Variants in TOP1 observed in about 807,000 individuals in gnomAD.
TOP1 encodes the protein DNA topoisomerase 1.
A neutral mutation model predicts 111.1 loss-of-function variants in TOP1; 10 were observed. The observed-to-expected ratio is 0.09, with a 90% CI of 0.06 to 0.15. The LOEUF is 0.15. Ranked by LOEUF, TOP1 falls within the 10% of genes least tolerant of loss-of-function variation. The pLI, the probability that TOP1 is intolerant of heterozygous loss-of-function variation, is 1.00. For missense variants in TOP1, 474 were observed against 926.7 expected (o/e 0.51, Z 6.34); for synonymous variants, 271 against 302.9 (o/e 0.89, Z 1.10).
In TOP1 at chr20:41,112,995, G is replaced by C; in HGVS notation, c.1452+70G>C. Reference sequence around the variant, plus strand: ...AAAGGGAGTTTCTGCTCTGCCCCAGGCCCTGTGCCACATACTGTATATCAC... The same window carrying C: ...AAAGGGAGTTTCTGCTCTGCCCCAGCCCCTGTGCCACATACTGTATATCAC... On this transcript the variant is annotated intron_variant, in intron 14 of 20. Coordinates refer to ENST00000361337, the MANE Select transcript of TOP1 (RefSeq NM_003286.4). This position sits in a 1 kb window ranked among gnomAD's most constrained non-coding sequence, Gnocchi z 5.8. 6.6e-7 allele frequency: 1 copy of C among 1,515,890 alleles called. No individual in the cohort carries two copies. Among genetic ancestry groups the C allele is most frequent in the Non-Finnish European group, 9.0e-7 (1 of 1,114,840 alleles). 93.9% of individuals were successfully genotyped at this position (1,515,890 alleles called of 1,614,324 possible).
At chr20:41,041,437 CAAAAAAAA>C (rs780663951) in intron 2 of TOP1, among the ~76,000 whole-genome samples, 3 of 89,006 alleles carry the variant, frequency 3.4e-5, no homozygotes, top group Non-Finnish European at 6.7e-5. Flanking sequence ...GACCCTGTCT[CAAAAAAAA>C]AAAAAAAAAA....
At chr20:41,051,068 C>T (rs1018841239) in intron 2 of TOP1, among the ~76,000 whole-genome samples, 1 of 152,122 alleles carries the variant, frequency 6.6e-6, no homozygotes, top group Non-Finnish European at 1.5e-5. Flanking sequence ...TTCTAGTGTT[C>T]ACTTTCCTTA....
Position 41,116,280 on chromosome 20 carries a change from T to A in TOP1, c.1710T>A (p.Thr570=). The A allele has an allele frequency of 6.2e-7, 1 of 1,609,516 alleles. No individual in the cohort carries two copies. ...ATCTGTTGCTTTGTCTCCTCCAGAC[T>A]GGTATTCTGAATAAGCATCTTCAGG... ...PEDDLFDRLN[T]GILNKHLQDL... is the part of the protein sequence containing the mutation. The change falls in exon 17 of 21, where the codon ACT becomes ACA. Residue 570 remains threonine, a splice_region_variant and synonymous_variant. Transcript: ENST00000361337. The surrounding 1 kb of genome is among the most constrained non-coding windows in gnomAD (Gnocchi z 5.6).
rs574553893 is a variant in TOP1, at chr20:41,099,568, G to A, written c.976-488G>A. Among the ~76,000 whole-genome samples, 13 of 152,150 alleles carry A rather than the reference G, an allele frequency of 8.5e-5. No individual in the cohort carries two copies. In the South Asian group the frequency reaches 2.7e-3, roughly 32 times the overall value. On this transcript the variant is annotated intron_variant, in intron 11 of 20. Coordinates refer to ENST00000361337, the MANE Select transcript of TOP1 (RefSeq NM_003286.4). ...CCATCCCTCACCTTTTTGGAGCAAGGATCATAGTATAGAGTGTATATACCT... is the reference window on the plus strand; with the variant it reads ...CCATCCCTCACCTTTTTGGAGCAAGAATCATAGTATAGAGTGTATATACCT...
Position 41,061,371 on chromosome 20 carries a change from T to G in TOP1, c.59-23T>G. 6.2e-7 allele frequency: 1 copy of G among 1,610,942 alleles called. No homozygotes were observed. The highest frequency in any genetic ancestry group is 1.1e-5 in the South Asian group (1 of 90,858). ...AAGATAGCTCATGACTCCTGTTAAC[T>G]GACTCATCTCTTATGGTTGCAGATT... On this transcript the variant is annotated intron_variant, in intron 2 of 20. Coordinates refer to ENST00000361337, the MANE Select transcript of TOP1 (RefSeq NM_003286.4). The surrounding 1 kb of genome is among the most constrained non-coding windows in gnomAD (Gnocchi z 4.6).
chr20:41,054,752 T>C (rs2145923344), intron 2 of TOP1, among the ~76,000 whole-genome samples: 1 of 152,382 alleles, frequency 6.6e-6, no homozygotes, highest in South Asian at 2.1e-4. Context: ...CAGGAAGCTT[T>C]GGACTTGAAT....
chr20:41,091,103 ACC>A (rs1167483973), intron 8 of TOP1, among the ~76,000 whole-genome samples: 1 of 152,204 alleles, frequency 6.6e-6, no homozygotes, highest in African/African-American at 2.4e-5. Context: ...TTATAGTAAT[ACC>A]ATTGTTACAA....
intron 2 of TOP1, among the ~76,000 whole-genome samples, chr20:41,041,507 A>G (rs2033264078): frequency 6.6e-6 from 1 of 151,854 alleles, no homozygotes; most frequent in Non-Finnish European, 1.5e-5. Context: ...TGCTTTTACC[A>G]AATGTTTCAG....
At position 41,115,054 on chromosome 20, in the gene TOP1, A is replaced by G. The variant is rs1373520454; in HGVS notation, c.1639-317A>G. ...AGGACCATATTATAAGTAAGTACTT[A>G]TAAATGTACTTTAGGACCATATTAT... On this transcript the variant is annotated intron_variant, in intron 15 of 20. Transcript: ENST00000361337. This position sits in a 1 kb window ranked among gnomAD's most constrained non-coding sequence, Gnocchi z 6.3. Among the ~76,000 whole-genome samples the G allele has an allele frequency of 6.6e-6, 1 of 152,234 alleles. No individual in the cohort carries two copies. The highest frequency in any genetic ancestry group is 1.5e-5 in the Non-Finnish European group (1 of 68,030).
At chr20:41,073,233 TA>T (rs1297838564) in intron 3 of TOP1, 14 of 985,192 alleles carry the variant, frequency 1.4e-5, no homozygotes, top group Non-Finnish European at 1.6e-5. Context: ...GCCAGTTTTC[TA>T]GTGAAAATGG....
chr20:41,090,989 T>G (rs1373024399), intron 8 of TOP1, among the ~76,000 whole-genome samples: 1 of 152,242 alleles, frequency 6.6e-6, no homozygotes, highest in African/African-American at 2.4e-5. Context: ...AGACCCAGTT[T>G]GATTATTTTG....
chr20:41,123,114 T>C lies in TOP1; in HGVS notation c.2196-81T>C. 1.1e-6 allele frequency: 1 copy of C among 883,074 alleles called. No homozygotes were observed. The highest frequency in any genetic ancestry group is 1.9e-6 in the Non-Finnish European group (1 of 535,594). 54.7% of individuals were successfully genotyped at this position (883,074 alleles called of 1,614,324 possible). A position where few individuals can be genotyped will look rare whatever the true frequency, so the allele number is the denominator to read the frequency against. ...CACTAGACAGATGTGAAAGAGAAGA[T>C]GGAACATCTGACCCTGGGCCTCAGA... On this transcript the variant is annotated intron_variant, in intron 20 of 20. Coordinates refer to ENST00000361337, the MANE Select transcript of TOP1 (RefSeq NM_003286.4). The surrounding 1 kb of genome is among the most constrained non-coding windows in gnomAD (Gnocchi z 5.8).
At chr20:41,042,027 T>C (rs1025516868) in intron 2 of TOP1, among the ~76,000 whole-genome samples, 8 of 151,964 alleles carry the variant, frequency 5.3e-5, no homozygotes, top group African/African-American at 1.9e-4. Context: ...TCCTGCCTCA[T>C]CCTCCTGAGT....
At chr20:41,093,391 G>T (rs1345722652) in intron 9 of TOP1, among the ~76,000 whole-genome samples, 2 of 152,060 alleles carry the variant, frequency 1.3e-5, no homozygotes, top group African/African-American at 4.8e-5. Context: ...CAGTTGTGGG[G>T]TGGGCTTCTT....
In TOP1 at chr20:41,032,643, A is replaced by G. The variant is rs1315267266; in HGVS notation, c.58+3188A>G. On this transcript the variant is annotated intron_variant, in intron 2 of 20. Transcript: ENST00000361337. The surrounding 1 kb of genome is among the most constrained non-coding windows in gnomAD (Gnocchi z 4.3). Reference sequence around the variant, plus strand: ...TTAGCAAAGCACAATACTTGGCTCCATCAGTCTTTAGTCTAAGAAGTGATA... The same window carrying G: ...TTAGCAAAGCACAATACTTGGCTCCGTCAGTCTTTAGTCTAAGAAGTGATA... Among the ~76,000 whole-genome samples the G allele has an allele frequency of 6.6e-5, 10 of 152,238 alleles. No individual in the cohort carries two copies. Among genetic ancestry groups the G allele is most frequent in the Non-Finnish European group, 1.2e-4 (8 of 68,026 alleles).
intron 3 of TOP1, among the ~76,000 whole-genome samples, chr20:41,063,477 GA>G (rs1275219708): frequency 6.6e-6 from 1 of 152,182 alleles, no homozygotes; most frequent in African/African-American, 2.4e-5. Context: ...TGCTGGATCA[GA>G]AGGTAGTTGT....
At position 41,081,227 on chromosome 20, in the gene TOP1, TAGA is replaced by T. The variant is rs748165145; in HGVS notation, c.504_506del (p.Glu169del). On this transcript the variant is annotated inframe_deletion, in exon 7 of 21. Transcript: ENST00000361337. ...ACCAAGAAGGAGAAGAAAAGAAAAC[TAGA>T]AGAAGAAGAGGTTAGTAAAGAGACT... 2.0e-5 allele frequency: 32 copies of T among 1,605,364 alleles called. 1 individual carries two copies. Among genetic ancestry groups the T allele is most frequent in the Middle Eastern group, 3.3e-4 (2 of 6,032 alleles).
chr20:41,055,009 C>T (rs2033453187), intron 2 of TOP1, among the ~76,000 whole-genome samples: 2 of 152,132 alleles, frequency 1.3e-5, no homozygotes, highest in African/African-American at 4.8e-5. Context: ...ATGTTGATTC[C>T]TGTTCTATCT....
Position 41,116,577 on chromosome 20 carries a change from C to A in TOP1, c.1822+185C>A, listed in dbSNP as rs369883911. 6.6e-6 allele frequency among the ~76,000 whole-genome samples: 1 copy of A among 152,116 alleles called. No homozygotes were observed. Among genetic ancestry groups the A allele is most frequent in the South Asian group, 2.1e-4 (1 of 4,818 alleles). ...ATAAACATAGGATCAATGCTGTTTC[C>A]CCCTTCCCACCCCAACTTCAAGATT... On this transcript the variant is annotated intron_variant, in intron 17 of 20. Transcript: ENST00000361337. The surrounding 1 kb of genome is among the most constrained non-coding windows in gnomAD (Gnocchi z 5.6).
Sources: allele counts gnomAD v4.1 joint callset (sites outside exome capture counted in the v4.1 genomes callset), GRCh38; gene constraint gnomAD v4.1.1; non-coding constraint Gnocchi (gnomAD v3.1); transcripts MANE v1.5; gene names NCBI Gene and HGNC (gene_info 2026-07-23, HGNC 2026-07-21).